Variants in CNTLN observed in about 807,000 individuals in gnomAD.
The protein encoded by CNTLN is centlein.
Under a neutral mutation model 180.0 loss-of-function variants are expected in CNTLN, and 212 were observed. The ratio of observed to expected loss-of-function variants is 1.18; its 90% CI spans 1.05 to 1.32. The LOEUF (loss-of-function observed/expected upper bound fraction) is 1.32. Among genes scored for constraint, CNTLN ranks in the 40% most tolerant of loss-of-function variants. CNTLN has a pLI of 0.00. For missense variants in CNTLN, 2,095 were observed against 1,610.9 expected, an observed-to-expected ratio of 1.30 and a Z score of -5.14; for synonymous variants, 722 against 563.1, an observed-to-expected ratio of 1.28 and a Z score of -3.99.
At chr9:17,459,328 A>T (rs1368610127) in intron 19 of CNTLN, among the ~76,000 whole-genome samples, 1 of 151,868 alleles carries the variant, frequency 6.6e-6, no homozygotes, top group Non-Finnish European at 1.5e-5. Flanking sequence ...CCCACATACA[A>T]ATCTCTCTCT....
chr9:17,268,827 A>T (rs1293168734), intron 5 of CNTLN, among the ~76,000 whole-genome samples: 1 of 151,548 alleles, frequency 6.6e-6, no homozygotes, highest in Non-Finnish European at 1.5e-5. Context: ...CTGTGGGCGT[A>T]GGACCCTCTG....
At chr9:17,158,806 A>G (rs992104023) in intron 2 of CNTLN, among the ~76,000 whole-genome samples, 26 of 151,820 alleles carry the variant, frequency 1.7e-4, no homozygotes, top group Non-Finnish European at 3.2e-4. Context: ...GATCTTTTTG[A>G]AGAACCAGCT....
chr9:17,297,044 G>A (rs1015506920), intron 6 of CNTLN, among the ~76,000 whole-genome samples: 1 of 152,058 alleles, frequency 6.6e-6, no homozygotes, highest in African/African-American at 2.4e-5. Flanking sequence ...AGTACAATCG[G>A]CCTTTCATAT....
chr9:17,508,388 G>T (rs1023356078), downstream of CNTLN, among the ~76,000 whole-genome samples: 1 of 152,082 alleles, frequency 6.6e-6, no homozygotes, highest in Non-Finnish European at 1.5e-5. Flanking sequence ...AGATGGCATT[G>T]GTACAATATT....
Position 17,480,675 on chromosome 9 carries a change from A to G in CNTLN, c.3856-3620A>G, listed in dbSNP as rs565697524. On this transcript the variant is annotated intron_variant, in intron 23 of 25. Transcript: ENST00000380647. ...ATTGTTTTAGCTATCTGCCTCGAAT[A>G]TGGTGTAATATAACTGTGATTTAAC... is the stretch of plus-strand genomic sequence containing the variant. Among the ~76,000 whole-genome samples the G allele has an allele frequency of 4.6e-5, 7 of 152,326 alleles. No individual in the cohort carries two copies. The East Asian group carries it at 5.8e-4, about 13-fold the overall frequency.
chr9:17,444,513 A>G (rs1210565457), intron 18 of CNTLN, among the ~76,000 whole-genome samples: 1 of 152,208 alleles, frequency 6.6e-6, no homozygotes, highest in African/African-American at 2.4e-5. Context: ...TCAGTTGCCA[A>G]TCATTGTGGC....
At chr9:17,178,533 G>A (rs1235354921) in intron 2 of CNTLN, among the ~76,000 whole-genome samples, 1 of 152,092 alleles carries the variant, frequency 6.6e-6, no homozygotes, top group East Asian at 1.9e-4. Flanking sequence ...GTGCATGGGG[G>A]ACTCAGGCAT....
intron 25 of CNTLN, 36 bp downstream of exon 25, chr9:17,487,102 A>G: frequency 1.5e-6 from 2 of 1,372,752 alleles, no homozygotes; most frequent in Non-Finnish European, 1.0e-6. Context: ...TTAAGCTTCC[A>G]AATAAGAATT....
rs907950540 is a variant in CNTLN at position 17,366,692 on chromosome 9, T to C, written c.1962T>C (p.Asn654=). The change falls in exon 13 of 26, where the codon AAT becomes AAC. Residue 654 remains asparagine (N), a synonymous_variant. Transcript: ENST00000380647. ...SIDKAAIQEL[N]RCVAERREEQ... is the part of the protein sequence containing the mutation. ...ATAAGGCAGCAATACAAGAATTGAA[T>C]AGATGTGTGGCAGAGAGAAGAGAAG... 9 of 1,581,686 alleles carry C rather than the reference T, an allele frequency of 5.7e-6. No homozygotes were observed. In the African/African-American group the frequency reaches 1.2e-4, roughly 21 times the overall value.
At chr9:17,413,539 A>T (rs1457932583) in intron 16 of CNTLN, among the ~76,000 whole-genome samples, 1 of 152,194 alleles carries the variant, frequency 6.6e-6, no homozygotes, top group African/African-American at 2.4e-5. Flanking sequence ...TAGCTTGAAT[A>T]TGTAAAGAAC....
intron 18 of CNTLN, among the ~76,000 whole-genome samples, chr9:17,440,062 T>C (rs1554721048): frequency 6.6e-6 from 1 of 152,174 alleles, no homozygotes. Context: ...GCAGCAGACA[T>C]GATCAACAAA....
At chr9:17,365,205 A>G (rs1055036202) in intron 12 of CNTLN, among the ~76,000 whole-genome samples, 1 of 152,144 alleles carries the variant, frequency 6.6e-6, no homozygotes, top group Non-Finnish European at 1.5e-5. Context: ...TGTTCCATTG[A>G]TAGTGAGTTC....
intron 25 of CNTLN, among the ~76,000 whole-genome samples, chr9:17,493,926 G>A (rs777636961): frequency 1.3e-5 from 2 of 152,142 alleles, no homozygotes; most frequent in Non-Finnish European, 2.9e-5. Context: ...CTGGGGTTGC[G>A]TTCTGTCTCA....
intron 8 of CNTLN, among the ~76,000 whole-genome samples, chr9:17,312,769 T>A (rs1819288826): frequency 6.6e-6 from 1 of 152,084 alleles, no homozygotes; most frequent in Admixed American, 6.6e-5. Context: ...GTACTATATG[T>A]ACCTGAGAAT....
At chr9:17,345,351 G>A (rs1188450959) in intron 12 of CNTLN, among the ~76,000 whole-genome samples, 1 of 151,710 alleles carries the variant, frequency 6.6e-6, no homozygotes, top group Non-Finnish European at 1.5e-5. Context: ...GCTAGTGTAT[G>A]GATATTTTGC....
chr9:17,409,601 C>T, intron 16 of CNTLN, 128 bp downstream of exon 16: 3 of 655,628 alleles, frequency 4.6e-6, no homozygotes, highest in South Asian at 3.1e-5. Flanking sequence ...TTAAAATATA[C>T]AGTGAAAATA....
intron 16 of CNTLN, among the ~76,000 whole-genome samples, chr9:17,410,222 A>G (rs1166757237): frequency 6.6e-6 from 1 of 152,050 alleles, no homozygotes; most frequent in Non-Finnish European, 1.5e-5. Flanking sequence ...TTGATAGGTT[A>G]ATCTTTCTCA....
intron 2 of CNTLN, among the ~76,000 whole-genome samples, chr9:17,170,983 A>G (rs1286300417): frequency 6.6e-6 from 1 of 152,232 alleles, no homozygotes; most frequent in Admixed American, 6.5e-5. Context: ...AGACTGTACC[A>G]TATAGCCTAG....
chr9:17,343,801 C>T (rs183991140), intron 12 of CNTLN, among the ~76,000 whole-genome samples: 74 of 152,276 alleles, frequency 4.9e-4, no homozygotes, highest in African/African-American at 1.8e-3. Context: ...CTACTCTCCC[C>T]ACCAAAGCCC....
Sources: allele counts gnomAD v4.1 joint callset (sites outside exome capture counted in the v4.1 genomes callset), GRCh38; gene constraint gnomAD v4.1.1; transcripts MANE v1.5; gene names NCBI Gene and HGNC (gene_info 2026-07-23, HGNC 2026-07-21).